The following EXD3 variants were observed in gnomAD, a reference collection of about 807,000 sequenced individuals.
The protein encoded by EXD3 is exonuclease mut-7 homolog.
In EXD3, 92 loss-of-function variants were observed where a neutral mutation model predicts 98.0. That is an observed-to-expected ratio of 0.94 (90% CI 0.79 to 1.12). EXD3 has a LOEUF of 1.12. EXD3 is among the 50% of genes most tolerant of loss of function. The pLI is 0.00. For missense variants in EXD3, 1,222 were observed against 1,191.6 expected, an observed-to-expected ratio of 1.03 and a Z score of -0.38; for synonymous variants, 569 against 526.0, an observed-to-expected ratio of 1.08 and a Z score of -1.12.
Position 137,309,633 on chromosome 9 carries a change from CT to C in EXD3, c.2251del (p.Ser751ValfsTer71). ...TGAGCTCCTGGGCCCCTCCTGGTGA[CT>C]GCTGAGCCACATGAGCTGCTTCATC... ...DMMKQLMWLS[S>X]HQEGPRSSGD... On this transcript the variant is annotated frameshift_variant, in exon 20 of 22. Transcript: ENST00000340951. LOFTEE classifies it high-confidence loss of function. The C allele has an allele frequency of 6.4e-7, 1 of 1,562,974 alleles. No homozygotes were observed. The highest frequency in any genetic ancestry group is 8.7e-7 in the Non-Finnish European group (1 of 1,153,700).
intron 17 of EXD3, among the ~76,000 whole-genome samples, chr9:137,337,522 A>G (rs1429739919): frequency 3.3e-5 from 5 of 151,826 alleles, no homozygotes; most frequent in Non-Finnish European, 5.9e-5. Context: ...GTGGTGGCGG[A>G]CACCTGTAAT....
At chr9:137,413,063 T>G (rs1443400909) in intron 1 of EXD3, among the ~76,000 whole-genome samples, 1 of 152,204 alleles carries the variant, frequency 6.6e-6, no homozygotes, top group Non-Finnish European at 1.5e-5. Context: ...ATTACAGGCG[T>G]GAGCCACCAC....
Position 137,349,430 on chromosome 9 carries a change from C to A in EXD3, c.1596G>T (p.Lys532Asn). ...GGTCCCAGTTGGACAGCTGCTGCGT[C>A]TTGTCCAGGGCTGTGCCCAGCACCT... is the stretch of plus-strand genomic sequence containing the variant. The part of the protein sequence containing the change: ...VQQVLGTALD[K>N]TQQLSNWDRR... The change falls in exon 15 of 22, where the codon AAG becomes AAT. Residue 532 changes from lysine (K) to asparagine (N), a missense_variant. Coordinates refer to ENST00000340951, the MANE Select transcript of EXD3 (RefSeq NM_017820.5). The surrounding 1 kb of genome is among the most constrained non-coding windows in gnomAD (Gnocchi z 7.4). The A allele has an allele frequency of 6.2e-7, 1 of 1,600,900 alleles. No homozygotes were observed.
At chr9:137,378,496 C>T (rs1323130222) in intron 3 of EXD3, among the ~76,000 whole-genome samples, 2 of 152,186 alleles carry the variant, frequency 1.3e-5, no homozygotes, top group Non-Finnish European at 2.9e-5. Context: ...CAGCCGTGAG[C>T]CACCACACCC....
chr9:137,373,288 C>T, intron 4 of EXD3, 138 bp downstream of exon 4: 2 of 1,205,288 alleles, frequency 1.7e-6, no homozygotes, highest in Admixed American at 2.4e-5. Context: ...GAGTCTTGGC[C>T]ATAGCCCCCA....
At chr9:137,330,139 AACTACACC>A (rs1832940402) in intron 17 of EXD3, among the ~76,000 whole-genome samples, 1 of 100,690 alleles carries the variant, frequency 9.9e-6, no homozygotes, top group Admixed American at 9.8e-5. Flanking sequence ...GCTACACAGG[AACTACACC>A]GGAGCTACAC....
chr9:137,355,585 GGAGAAAGGGCGGAAGGAGAAA>G (rs1564508640), intron 8 of EXD3, among the ~76,000 whole-genome samples: 4 of 65,854 alleles, frequency 6.1e-5, no homozygotes, highest in Admixed American at 1.6e-4. Context: ...GAAGGAGGAA[GGAGAAAGGGCGGAAGGAGAAA>G]GGAGGAAGGA....
chr9:137,386,999 C>T (rs10117006), intron 2 of EXD3, among the ~76,000 whole-genome samples: 51,983 of 81,066 alleles, frequency 0.64, 18,323 homozygotes, highest in African/African-American at 0.84. Context: ...TCAGCACCCC[C>T]GCTCCCTGCC....
At chr9:137,366,691 A>C in intron 6 of EXD3, 59 bp from the exon 7 acceptor site, 1 of 1,520,468 alleles carries the variant, frequency 6.6e-7, no homozygotes, top group Non-Finnish European at 8.9e-7. Flanking sequence ...AACCTGACTC[A>C]CCTCCAACCC....
At chr9:137,357,828 C>T (rs992087652) in intron 7 of EXD3, among the ~76,000 whole-genome samples, 1 of 151,786 alleles carries the variant, frequency 6.6e-6, no homozygotes, top group Non-Finnish European at 1.5e-5. Flanking sequence ...AGCTGAGGAG[C>T]ACAGAGAGCC....
intron 19 of EXD3, among the ~76,000 whole-genome samples, chr9:137,312,542 G>A (rs1248589215): frequency 6.6e-6 from 1 of 152,158 alleles, no homozygotes; most frequent in Non-Finnish European, 1.5e-5. Context: ...TGGGGCCCAT[G>A]GACCCACAGC....
chr9:137,408,561 A>G (rs1200463729), intron 1 of EXD3, among the ~76,000 whole-genome samples: 1 of 148,574 alleles, frequency 6.7e-6, no homozygotes, highest in African/African-American at 2.5e-5. Context: ...AAAAAAAAAA[A>G]AAAAGAGGGC....
At chr9:137,386,592 G>C (rs987024686) in intron 2 of EXD3, among the ~76,000 whole-genome samples, 2 of 152,098 alleles carry the variant, frequency 1.3e-5, no homozygotes, top group African/African-American at 4.8e-5. Context: ...CAGAAATATG[G>C]GGCAGGCCAG....
In EXD3 at chr9:137,352,787, C is replaced by G. The variant is rs1564504148; in HGVS notation, c.871-1G>C. The G allele has an allele frequency of 1.3e-6, 2 of 1,580,376 alleles. No homozygotes were observed. The highest frequency in any genetic ancestry group is 1.7e-6 in the Non-Finnish European group (2 of 1,165,500). ...GCCACGGGCTCTGCCCCACCAGGCC[C>G]TGTGAGGAGGGTGGCCGTGAGGATG... On this transcript the variant is annotated splice_acceptor_variant, in intron 10 of 21. Coordinates refer to ENST00000340951, the MANE Select transcript of EXD3 (RefSeq NM_017820.5). LOFTEE classifies it high-confidence loss of function.
intron 17 of EXD3, among the ~76,000 whole-genome samples, chr9:137,325,470 T>C (rs552290689): frequency 1.3e-5 from 2 of 152,166 alleles, no homozygotes; most frequent in East Asian, 3.9e-4. Context: ...TCTCACTGTG[T>C]CGCCCAGGCT....
At chr9:137,379,829 G>A (rs1170601696) in intron 3 of EXD3, among the ~76,000 whole-genome samples, 1 of 151,938 alleles carries the variant, frequency 6.6e-6, no homozygotes. Flanking sequence ...CCTCACTCCT[G>A]CTTCAGTCCC....
In EXD3 at chr9:137,398,589, A is replaced by ACCGCGTCCCCAAGACACACTGGCAC. The variant is rs1564208443; in HGVS notation, c.-47-3210_-47-3186dup. The stretch of plus-strand genomic sequence containing the variant: ...ACCGCGTCCCCAAGACACACAGGCA[A>ACCGCGTCCCCAAGACACACTGGCAC]CCGCGTCCCCAAGACACACTGGCAC... On this transcript the variant is annotated intron_variant, in intron 1 of 21. Transcript: ENST00000340951. 7.3e-5 allele frequency among the ~76,000 whole-genome samples: 8 copies of ACCGCGTCCCCAAGACACACTGGCAC among 110,168 alleles called. 1 individual carries two copies. Among genetic ancestry groups the ACCGCGTCCCCAAGACACACTGGCAC allele is most frequent in the Non-Finnish European group, 1.3e-4 (7 of 56,000 alleles). The allele number at this position is 110,168 out of a possible 152,430, so 72.3% of individuals were successfully genotyped here.
intron 16 of EXD3, among the ~76,000 whole-genome samples, chr9:137,348,511 G>T (rs372793456): frequency 3.4e-3 from 79 of 23,150 alleles, no homozygotes; most frequent in Non-Finnish European, 5.1e-3. Context: ...ACGGGGAGGG[G>T]GCTAGATAGA....
chr9:137,392,988 A>G lies in EXD3; in HGVS notation c.55+2315T>C. On this transcript the variant is annotated intron_variant, in intron 2 of 21. Transcript: ENST00000340951. The stretch of plus-strand genomic sequence containing the variant: ...GCTGAGGCTGTTCCAGGGGGCACCG[A>G]GGCTGTTCTCGGTGGGGGTGCCGTG... 3 of 570,036 alleles carry G rather than the reference A, an allele frequency of 5.3e-6. No individual in the cohort carries two copies. The South Asian group carries it at 5.9e-5, about 11-fold the overall frequency. The allele number at this position is 570,036 out of a possible 1,614,324, so 35.3% of individuals were successfully genotyped here. A position where few individuals can be genotyped will look rare whatever the true frequency, so the allele number is the denominator to read the frequency against.
Sources: allele counts gnomAD v4.1 joint callset (sites outside exome capture counted in the v4.1 genomes callset), GRCh38; gene constraint gnomAD v4.1.1; non-coding constraint Gnocchi (gnomAD v3.1); transcripts MANE v1.5; gene names NCBI Gene and HGNC (gene_info 2026-07-23, HGNC 2026-07-21).